TSHR: variants seen among roughly 807,000 people sequenced by gnomAD.
TSHR encodes the protein thyrotropin receptor.
A neutral mutation model predicts 64.1 loss-of-function variants in TSHR; 51 were observed. The ratio of observed to expected loss-of-function variants is 0.80; its 90% confidence interval spans 0.64 to 1.01. TSHR has a LOEUF of 1.01. Ranked by LOEUF, TSHR falls within the 50% of genes least tolerant of loss-of-function variation. The pLI is 0.00. For missense variants in TSHR, 877 were observed against 942.8 expected, an observed-to-expected ratio of 0.93 and a Z score of 0.91; for synonymous variants, 361 against 361.9, an observed-to-expected ratio of 1.00 and a Z score of 0.03.
chr14:80,963,619 A>G lies in TSHR; in HGVS notation c.170+7769A>G, dbSNP rs546280642. Reference sequence around the variant, plus strand: ...TTGGAGGACAAAAGGATATGATCGAATGGTAATAAACTGTGGTCTGTGGGG... The same window carrying G: ...TTGGAGGACAAAAGGATATGATCGAGTGGTAATAAACTGTGGTCTGTGGGG... On this transcript the variant is annotated intron_variant, in intron 1 of 9. Coordinates refer to ENST00000298171, the MANE Select transcript of TSHR (RefSeq NM_000369.5). 5.8e-4 allele frequency among the ~76,000 whole-genome samples: 89 copies of G among 152,374 alleles called. No homozygotes were observed. In the South Asian group the frequency reaches 0.01, roughly 17 times the overall value.
intron 8 of TSHR, among the ~76,000 whole-genome samples, chr14:81,139,403 C>T (rs1467667561): frequency 1.3e-5 from 2 of 152,114 alleles, no homozygotes; most frequent in Non-Finnish European, 2.9e-5. Context: ...TCTCTGATTC[C>T]AAGAGTTTGC....
At position 81,080,876 on chromosome 14, in the gene TSHR, A is replaced by T. The variant is rs1887852425; in HGVS notation, c.318-7078A>T. ...ACAGACTTTTAACTTTTGACCCAGT[A>T]ATTCCACTTCTATAAATTTTCCCTA... On this transcript the variant is annotated intron_variant, in intron 3 of 9. Transcript: ENST00000298171. 3.3e-5 allele frequency among the ~76,000 whole-genome samples: 5 copies of T among 152,336 alleles called. No homozygotes were observed. The South Asian group carries it at 1.0e-3, about 32-fold the overall frequency.
chr14:81,003,108 A>G (rs1889427801), intron 1 of TSHR, among the ~76,000 whole-genome samples: 3 of 151,748 alleles, frequency 2.0e-5, no homozygotes, highest in African/African-American at 7.3e-5. Flanking sequence ...CTGCCAGTTT[A>G]AAAGACTGCT....
Position 81,145,800 on chromosome 14 carries a change from T to C in TSHR, c.*1447T>C, listed in dbSNP as rs965160260. ...TAGTCAGGATCTTTATCTACAGATG[T>C]ACTCTCCAGGTTACCTGTGATGATA... is the stretch of plus-strand genomic sequence containing the variant. On this transcript the variant is annotated 3_prime_UTR_variant, in exon 10 of 10. Transcript: ENST00000298171. 8.2e-5 allele frequency: 19 copies of C among 232,942 alleles called. No homozygotes were observed. Among genetic ancestry groups the C allele is most frequent in the African/African-American group, 4.0e-4 (18 of 45,318 alleles). The allele number at this position is 232,942 out of a possible 1,614,324, so 14.4% of individuals were successfully genotyped here.
intron 1 of TSHR, among the ~76,000 whole-genome samples, chr14:81,054,211 G>A (rs1226259715): frequency 6.6e-6 from 1 of 152,176 alleles, no homozygotes; most frequent in African/African-American, 2.4e-5. Flanking sequence ...CCCTTCACAA[G>A]TTGTCTTTCT....
intron 1 of TSHR, among the ~76,000 whole-genome samples, chr14:81,007,100 C>T (rs1029158746): frequency 1.3e-5 from 2 of 152,118 alleles, no homozygotes; most frequent in East Asian, 1.9e-4. Flanking sequence ...TCAAAATTCA[C>T]GTTGAAGTTC....
chr14:81,094,679 A>T (rs1413343487), intron 6 of TSHR, among the ~76,000 whole-genome samples: 38 of 76,272 alleles, frequency 5.0e-4, no homozygotes, highest in East Asian at 2.0e-3. Context: ...TATTTTTTTA[A>T]TTTTTTTTTT....
intron 2 of TSHR, among the ~76,000 whole-genome samples, chr14:81,064,795 C>T (rs541132012): frequency 1.3e-5 from 2 of 151,990 alleles, no homozygotes; most frequent in South Asian, 4.2e-4. Context: ...TAACTGGGAC[C>T]AGGAGGAGGC....
intron 1 of TSHR, among the ~76,000 whole-genome samples, chr14:81,048,089 T>C (rs1178783557): frequency 6.6e-6 from 1 of 152,186 alleles, no homozygotes; most frequent in African/African-American, 2.4e-5. Flanking sequence ...TCTACCTTGC[T>C]TTCTCTTCAT....
intron 1 of TSHR, among the ~76,000 whole-genome samples, chr14:80,969,217 T>G (rs2090540432): frequency 6.6e-6 from 1 of 152,208 alleles, no homozygotes. Context: ...ACCATTCTCG[T>G]AGGCAGTCTG....
intron 1 of TSHR, chr14:81,012,760 T>C (rs1889986954): frequency 6.6e-6 from 1 of 151,344 alleles, no homozygotes; most frequent in African/African-American, 2.4e-5. Context: ...TGTCTGTTCA[T>C]GTCCTTCGCC....
Position 81,057,425 on chromosome 14 carries a change from A to C in TSHR, c.171-4723A>C, listed in dbSNP as rs150065463. On this transcript the variant is annotated intron_variant, in intron 1 of 9. Coordinates refer to ENST00000298171, the MANE Select transcript of TSHR (RefSeq NM_000369.5). ...AAACTCCATCTCAAAAAGAAAAAAG[A>C]AAAGAAAAAAGGATTTATTCTCACC... Among the ~76,000 whole-genome samples, 3 of 152,306 alleles carry C rather than the reference A, an allele frequency of 2.0e-5. 1 individual carries two copies. In the East Asian group the frequency reaches 5.8e-4, roughly 29 times the overall value.
At chr14:80,983,703 G>T (rs1244823849) in intron 1 of TSHR, 10 of 516,440 alleles carry the variant, frequency 1.9e-5, no homozygotes, top group Non-Finnish European at 3.4e-5. Flanking sequence ...CATTCCCAAA[G>T]AGCCTTGTAT....
chr14:81,139,548 T>A (rs1891593849), intron 8 of TSHR, 131 bp from the exon 9 acceptor site: 1 of 937,248 alleles, frequency 1.1e-6, no homozygotes, highest in African/African-American at 1.6e-5. Flanking sequence ...AAGCTCAGCT[T>A]ATGTACTCAG....
intron 8 of TSHR, among the ~76,000 whole-genome samples, chr14:81,116,767 A>G (rs1160532533): frequency 6.6e-6 from 1 of 150,576 alleles, no homozygotes; most frequent in Admixed American, 6.6e-5. Flanking sequence ...TCCAAAATTG[A>G]CCACATACTT....
intron 1 of TSHR, among the ~76,000 whole-genome samples, chr14:81,040,382 C>T (rs1884861516): frequency 6.6e-6 from 1 of 151,868 alleles, no homozygotes; most frequent in South Asian, 2.1e-4. Context: ...TAGGGAAATC[C>T]CTTTATGACA....
chr14:81,130,277 T>G (rs1891182177), intron 8 of TSHR, among the ~76,000 whole-genome samples: 1 of 152,210 alleles, frequency 6.6e-6, no homozygotes, highest in African/African-American at 2.4e-5. Context: ...TTATGCTCAC[T>G]CCAATCAGGT....
chr14:81,037,189 A>C (rs1437612640), intron 1 of TSHR, among the ~76,000 whole-genome samples: 1 of 152,034 alleles, frequency 6.6e-6, no homozygotes, highest in Non-Finnish European at 1.5e-5. Context: ...GGGAGGTAGA[A>C]GGTAAGTCTA....
chr14:81,102,403 A>C (rs1889649882), intron 7 of TSHR, among the ~76,000 whole-genome samples: 1 of 152,228 alleles, frequency 6.6e-6, no homozygotes, highest in Non-Finnish European at 1.5e-5. Context: ...CATAGGAAAG[A>C]AATCAGTGTA....
Sources: allele counts gnomAD v4.1 joint callset (sites outside exome capture counted in the v4.1 genomes callset), GRCh38; gene constraint gnomAD v4.1.1; transcripts MANE v1.5; gene names NCBI Gene and HGNC (gene_info 2026-07-23, HGNC 2026-07-21).